Variants in ERGIC2 observed in about 807,000 individuals in gnomAD.
ERGIC2 encodes the protein ERGIC and golgi 2, also known as endoplasmic reticulum-Golgi intermediate compartment protein 2.
Under a neutral mutation model 52.5 loss-of-function variants are expected in ERGIC2, and 31 were observed. The observed-to-expected ratio is 0.59, with a 90% confidence interval of 0.44 to 0.80. The LOEUF is 0.80. Ranked by LOEUF, ERGIC2 falls within the 30% of genes least tolerant of loss-of-function variation. The pLI, the probability that ERGIC2 is intolerant of heterozygous loss-of-function variation, is 0.00. For synonymous variants in ERGIC2, 129 were observed against 140.6 expected (o/e 0.92, Z 0.58); for missense variants, 395 against 455.2 (o/e 0.87, Z 1.20).
Position 29,381,159 on chromosome 12 carries a change from G to T in ERGIC2, c.-82C>A, listed in dbSNP as rs931829907. ...CTACCGCCATGTTTCACAGAAGCCC[G>T]GGTCGCCGGGGCTCCCGCGTACCCG... is the stretch of plus-strand genomic sequence containing the variant. On this transcript the variant is annotated 5_prime_UTR_variant, in exon 1 of 14. Coordinates refer to ENST00000360150, the MANE Select transcript of ERGIC2 (RefSeq NM_016570.3). 1.3e-5 allele frequency: 2 copies of T among 152,236 alleles called. No homozygotes were observed. The highest frequency in any genetic ancestry group is 4.8e-5 in the African/African-American group (2 of 41,434). The allele number at this position is 152,236 out of a possible 1,614,324, so 9.4% of individuals were successfully genotyped here.
rs896890079 is a variant in ERGIC2 at position 29,341,016 on chromosome 12, C to T, written c.*140G>A. 2.3e-5 allele frequency: 16 copies of T among 695,238 alleles called. 1 individual carries two copies. The Admixed American group carries it at 4.5e-4, about 20-fold the overall frequency. The allele number at this position is 695,238 out of a possible 1,614,324, so 43.1% of individuals were successfully genotyped here. On this transcript the variant is annotated 3_prime_UTR_variant, in exon 14 of 14. Coordinates refer to ENST00000360150, the MANE Select transcript of ERGIC2 (RefSeq NM_016570.3). ...AGAATTTCAGTTTGGGTTTTTTTAT[C>T]CTTTTTTTTCTTTTTTAAAATAAGT...
chr12:29,341,663 A>T (rs1443752279), intron 13 of ERGIC2, 71 bp downstream of exon 13: 3 of 820,542 alleles, frequency 3.7e-6, no homozygotes, highest in Non-Finnish European at 6.1e-6. Context: ...GTGAGCCACC[A>T]TGACTGGCTC....
At chr12:29,354,246 C>T (rs556989446) in intron 8 of ERGIC2, among the ~76,000 whole-genome samples, 6 of 152,268 alleles carry the variant, frequency 3.9e-5, no homozygotes, top group African/African-American at 1.4e-4. Flanking sequence ...TTTTAATATA[C>T]ACTAAATTTC....
Position 29,341,109 on chromosome 12 carries a change from G to T in ERGIC2, c.*47C>A. 8.0e-7 allele frequency: 1 copy of T among 1,248,882 alleles called. No individual in the cohort carries two copies. 77.4% of individuals were successfully genotyped at this position (1,248,882 alleles called of 1,614,324 possible). The stretch of plus-strand genomic sequence containing the variant: ...GCACAATATTTTATTATTAAAAAAA[G>T]GTTTTATGTCTCAGGCAAAAAGTTT... On this transcript the variant is annotated 3_prime_UTR_variant, in exon 14 of 14. Transcript: ENST00000360150.
At chr12:29,352,161 C>T (rs956340361) in intron 8 of ERGIC2, among the ~76,000 whole-genome samples, 16 of 152,074 alleles carry the variant, frequency 1.1e-4, no homozygotes, top group South Asian at 8.3e-4. Context: ...ATTCATAGTA[C>T]ACCAAAGTAC....
rs79537673 is a variant in ERGIC2 at position 29,359,331 on chromosome 12, A to C, written c.375-1607T>G. Among the ~76,000 whole-genome samples the C allele has an allele frequency of 5.2e-3, 797 of 152,128 alleles. 12 individuals carry two copies. Among genetic ancestry groups the C allele is most frequent in the African/African-American group, 0.018 (762 of 41,516 alleles). ...TGTAATTCGAGAGATCAACTTTTGA[A>C]GCATGGCAGTGATCAAGGGGTTTGA... On this transcript the variant is annotated intron_variant, in intron 6 of 13. Coordinates refer to ENST00000360150, the MANE Select transcript of ERGIC2 (RefSeq NM_016570.3).
At chr12:29,377,444 A>T (rs1940529699) in intron 1 of ERGIC2, among the ~76,000 whole-genome samples, 1 of 152,194 alleles carries the variant, frequency 6.6e-6, no homozygotes, top group Non-Finnish European at 1.5e-5. Flanking sequence ...GTATACTTTA[A>T]ATGATCTTTA....
chr12:29,377,968 T>C (rs770146063), intron 1 of ERGIC2, among the ~76,000 whole-genome samples: 1 of 152,228 alleles, frequency 6.6e-6, no homozygotes, highest in Non-Finnish European at 1.5e-5. Flanking sequence ...AATTGGTTAA[T>C]ACATATGGCC....
At chr12:29,345,648 T>C (rs1202392844) in intron 10 of ERGIC2, 108 bp from the exon 11 acceptor site, 27 of 703,750 alleles carry the variant, frequency 3.8e-5, no homozygotes, top group South Asian at 1.8e-4. Context: ...ATGTGGTGGC[T>C]CACACCTGTA....
rs2136840995 is a variant in ERGIC2, at chr12:29,337,776, G to C, written c.*3380C>G. 2 of 152,270 alleles carry C rather than the reference G, an allele frequency of 1.3e-5. No homozygotes were observed. Among genetic ancestry groups the C allele is most frequent in the Middle Eastern group, 3.4e-3 (1 of 294 alleles). The allele number at this position is 152,270 out of a possible 1,614,324, so 9.4% of individuals were successfully genotyped here. On this transcript the variant is annotated 3_prime_UTR_variant, in exon 14 of 14. Coordinates refer to ENST00000360150, the MANE Select transcript of ERGIC2 (RefSeq NM_016570.3). ...ATAGGCATTTTGAATTCAAGTGTAA[G>C]CTCTGAATTTTCAAGGAGTTTCATA...
intron 1 of ERGIC2, among the ~76,000 whole-genome samples, chr12:29,380,028 G>A (rs1163901296): frequency 6.8e-6 from 1 of 146,346 alleles, no homozygotes. Context: ...ATTATAACAC[G>A]CAACTGTATA....
At chr12:29,356,827 AG>A (rs1270236122) in intron 7 of ERGIC2, among the ~76,000 whole-genome samples, 5 of 152,066 alleles carry the variant, frequency 3.3e-5, no homozygotes, top group South Asian at 4.2e-4. Context: ...AGAGGGAGGG[AG>A]GGCAGAAACA....
At chr12:29,376,217 A>G (rs554017299) in intron 1 of ERGIC2, among the ~76,000 whole-genome samples, 13 of 152,312 alleles carry the variant, frequency 8.5e-5, no homozygotes, top group African/African-American at 3.1e-4. Flanking sequence ...TGATGAGGAA[A>G]TGAGGCACAG....
At chr12:29,355,438 T>C (rs1385849501) in intron 8 of ERGIC2, among the ~76,000 whole-genome samples, 2 of 152,294 alleles carry the variant, frequency 1.3e-5, no homozygotes, top group Admixed American at 6.5e-5. Flanking sequence ...ACTTTGCACA[T>C]AGCAAGTACT....
intron 10 of ERGIC2, 89 bp downstream of exon 10, chr12:29,348,990 G>T: frequency 1.6e-6 from 1 of 639,710 alleles, no homozygotes; most frequent in South Asian, 1.9e-5. Flanking sequence ...TTACACAGTA[G>T]TTAGGAAGAC....
At position 29,339,807 on chromosome 12, in the gene ERGIC2, T is replaced by C. The variant is rs536418978; in HGVS notation, c.*1349A>G. 2.0e-5 allele frequency: 3 copies of C among 152,316 alleles called. No individual in the cohort carries two copies. In the South Asian group the frequency reaches 6.2e-4, roughly 32 times the overall value. 9.4% of individuals were successfully genotyped at this position (152,316 alleles called of 1,614,324 possible). On this transcript the variant is annotated 3_prime_UTR_variant, in exon 14 of 14. Transcript: ENST00000360150. Reference sequence around the variant, plus strand: ...CTGTTACTTGTGATATCCTGTTTTCTAAAACCACTATTTTAAATCTAGTTT... The same window carrying C: ...CTGTTACTTGTGATATCCTGTTTTCCAAAACCACTATTTTAAATCTAGTTT...
chr12:29,340,769 G>A lies in ERGIC2; in HGVS notation c.*387C>T, dbSNP rs1309133101. ...ATATCTTTTAAAAACAAAAGGATGC[G>A]AACATTTGCACTTCTCAATGTTTTT... is the stretch of plus-strand genomic sequence containing the variant. On this transcript the variant is annotated 3_prime_UTR_variant, in exon 14 of 14. Coordinates refer to ENST00000360150, the MANE Select transcript of ERGIC2 (RefSeq NM_016570.3). 5 of 405,892 alleles carry A rather than the reference G, an allele frequency of 1.2e-5. No homozygotes were observed. Among genetic ancestry groups the A allele is most frequent in the African/African-American group, 4.3e-5 (2 of 46,250 alleles). The allele number at this position is 405,892 out of a possible 1,614,324, so 25.1% of individuals were successfully genotyped here. A position where few individuals can be genotyped will look rare whatever the true frequency, so the allele number is the denominator to read the frequency against.
intron 1 of ERGIC2, among the ~76,000 whole-genome samples, chr12:29,380,041 A>G (rs1458473146): frequency 8.3e-6 from 1 of 120,840 alleles, no homozygotes. Context: ...ACTGTATACT[A>G]AAGTTCACCA....
At chr12:29,360,776 C>T (rs1050586678) in intron 6 of ERGIC2, among the ~76,000 whole-genome samples, 3 of 151,478 alleles carry the variant, frequency 2.0e-5, no homozygotes, top group Non-Finnish European at 4.4e-5. Flanking sequence ...CATTAGTTTA[C>T]AGAAAGAGAA....
Sources: gnomAD v4.1 joint callset for allele counts (sites outside exome capture counted in the v4.1 genomes callset) on GRCh38, gnomAD v4.1.1 for gene constraint, MANE v1.5 for transcripts, NCBI Gene and HGNC (gene_info 2026-07-23, HGNC 2026-07-21) for gene names.